Variants in PALM2AKAP2 observed in about 807,000 individuals in gnomAD.
PALM2AKAP2 encodes the protein PALM2-AKAP2 fusion protein.
A neutral mutation model predicts 71.5 loss-of-function variants in PALM2AKAP2; 37 were observed. The ratio of observed to expected loss-of-function variants is 0.52; its 90% CI spans 0.40 to 0.68. The LOEUF (loss-of-function observed/expected upper bound fraction) is 0.68, where lower values mean the gene tolerates loss of function less well. PALM2AKAP2 is among the 30% of genes least tolerant of loss of function. The pLI is 0.00. For synonymous variants in PALM2AKAP2, 468 were observed against 478.8 expected (o/e 0.98, Z 0.29); for missense variants, 1,224 against 1,191.8 (o/e 1.03, Z -0.40).
intron 6 of PALM2AKAP2, among the ~76,000 whole-genome samples, chr9:109,942,465 ATAGCAACCGTGCATCTGTC>A (rs1458544016): frequency 1.3e-5 from 2 of 152,202 alleles, no homozygotes; most frequent in Non-Finnish European, 2.9e-5. Flanking sequence ...CCATTGAGAT[ATAGCAACCGTGCATCTGTC>A]TTCCAAGTGC....
intron 6 of PALM2AKAP2, among the ~76,000 whole-genome samples, chr9:109,974,331 A>G (rs192183959): frequency 1.3e-5 from 2 of 152,360 alleles, no homozygotes; most frequent in East Asian, 3.9e-4. Flanking sequence ...TGGACAAACC[A>G]GTGGCTGTGT....
intron 1 of PALM2AKAP2, among the ~76,000 whole-genome samples, chr9:109,848,248 T>C (rs1759940248): frequency 6.6e-6 from 1 of 152,218 alleles, no homozygotes. Context: ...ATGTGCACAC[T>C]GAAGTCCCAG....
chr9:109,751,183 G>T (rs1323279386), intron 1 of PALM2AKAP2, among the ~76,000 whole-genome samples: 6 of 152,122 alleles, frequency 3.9e-5, no homozygotes, highest in African/African-American at 1.4e-4. Context: ...GGGGAACTGC[G>T]GTTGAGTTGG....
At chr9:109,968,928 C>A (rs1177185642) in intron 6 of PALM2AKAP2, among the ~76,000 whole-genome samples, 1 of 152,132 alleles carries the variant, frequency 6.6e-6, no homozygotes, top group Non-Finnish European at 1.5e-5. Flanking sequence ...CCTCTCCGGG[C>A]TATAAAACTG....
chr9:109,666,127 T>C (rs914653277), intron 1 of PALM2AKAP2, among the ~76,000 whole-genome samples: 2 of 152,332 alleles, frequency 1.3e-5, no homozygotes, highest in African/African-American at 4.8e-5. Context: ...GGAAATCCCC[T>C]GACTCCTTGA....
At chr9:110,048,659 C>T (rs2132491442), upstream of PALM2AKAP2, 2 of 1,482,968 alleles carry the variant, frequency 1.3e-6, no homozygotes, top group South Asian at 2.6e-5. Flanking sequence ...GGGCGGGGCT[C>T]CCCGCCCTCC....
intron 1 of PALM2AKAP2, among the ~76,000 whole-genome samples, chr9:109,680,683 C>G (rs1330413352): frequency 6.6e-6 from 1 of 152,026 alleles, no homozygotes; most frequent in Non-Finnish European, 1.5e-5. Context: ...AAATACTAAG[C>G]CAAACAGCAA....
chr9:109,811,802 G>A (rs1827733681), intron 1 of PALM2AKAP2, among the ~76,000 whole-genome samples: 1 of 152,144 alleles, frequency 6.6e-6, no homozygotes, highest in Non-Finnish European at 1.5e-5. Context: ...CAAACTCCTG[G>A]CCTCAAGCCA....
At chr9:109,775,817 C>T (rs1254879018), upstream of PALM2AKAP2, among the ~76,000 whole-genome samples, 3 of 152,142 alleles carry the variant, frequency 2.0e-5, no homozygotes, top group East Asian at 1.9e-4. Context: ...TGGCTATGAT[C>T]GTTTGTGATT....
At chr9:110,094,095 C>G (rs1433199771) in intron 1 of PALM2AKAP2, among the ~76,000 whole-genome samples, 1 of 152,106 alleles carries the variant, frequency 6.6e-6, no homozygotes, top group Non-Finnish European at 1.5e-5. Context: ...GCACCTGGCC[C>G]CAAATGTCAA....
chr9:109,649,980 G>C (rs769916374), intron 1 of PALM2AKAP2, among the ~76,000 whole-genome samples: 22 of 152,194 alleles, frequency 1.4e-4, no homozygotes, highest in Non-Finnish European at 5.9e-5. Flanking sequence ...TTTATGAAGA[G>C]AGTGGCAGGG....
intron 2 of PALM2AKAP2, among the ~76,000 whole-genome samples, chr9:109,868,555 A>G (rs1268739588): frequency 6.6e-6 from 1 of 152,158 alleles, no homozygotes; most frequent in African/African-American, 2.4e-5. Flanking sequence ...TCAACAAGAT[A>G]AACCTTTATG....
chr9:110,041,690 A>G lies in PALM2AKAP2; in HGVS notation c.582+25651A>G, dbSNP rs113099760. Reference sequence around the variant, plus strand: ...AAAAGCAGGAACCACAAACTAGGCTAAGAACCACAGTAAACACAGTCTGAG... The same window carrying G: ...AAAAGCAGGAACCACAAACTAGGCTGAGAACCACAGTAAACACAGTCTGAG... On this transcript the variant is annotated intron_variant, in intron 7 of 9. Transcript: ENST00000302798. 4.6e-3 allele frequency among the ~76,000 whole-genome samples: 697 copies of G among 152,310 alleles called. 2 individuals carry two copies. The highest frequency in any genetic ancestry group is 0.014 in the Middle Eastern group (4 of 294).
intron 1 of PALM2AKAP2, among the ~76,000 whole-genome samples, chr9:110,123,081 A>AT (rs1270429621): frequency 6.6e-6 from 1 of 152,028 alleles, no homozygotes; most frequent in Non-Finnish European, 1.5e-5. Flanking sequence ...CCTCAACCCT[A>AT]TTTTTGCAGC....
intron 1 of PALM2AKAP2, among the ~76,000 whole-genome samples, chr9:109,839,382 A>T (rs1428449801): frequency 6.6e-6 from 1 of 152,250 alleles, no homozygotes; most frequent in African/African-American, 2.4e-5. Context: ...GATGGGACGT[A>T]TCTCAAAATA....
chr9:109,837,326 G>T (rs538690870), intron 1 of PALM2AKAP2, among the ~76,000 whole-genome samples: 7 of 152,154 alleles, frequency 4.6e-5, no homozygotes, highest in Admixed American at 1.3e-4. Flanking sequence ...AGAAGCAAAT[G>T]ATGAGAGATT....
chr9:109,792,103 T>C (rs1373560225), intron 1 of PALM2AKAP2, among the ~76,000 whole-genome samples: 2 of 152,170 alleles, frequency 1.3e-5, no homozygotes, highest in Non-Finnish European at 2.9e-5. Context: ...GATACACTTA[T>C]GTATGTTGGG....
intron 1 of PALM2AKAP2, among the ~76,000 whole-genome samples, chr9:109,753,310 G>A (rs1237358448): frequency 6.6e-6 from 1 of 152,090 alleles, no homozygotes; most frequent in African/African-American, 2.4e-5. Context: ...GAGTGGCTGG[G>A]GTACTTAGTG....
chr9:109,807,689 A>G (rs937960344), intron 1 of PALM2AKAP2, among the ~76,000 whole-genome samples: 11 of 152,208 alleles, frequency 7.2e-5, no homozygotes, highest in Non-Finnish European at 1.2e-4. Flanking sequence ...GAGAAAATCA[A>G]TATGAACCAA....
Sources: gnomAD v4.1 joint callset for allele counts (sites outside exome capture counted in the v4.1 genomes callset) on GRCh38, gnomAD v4.1.1 for gene constraint, MANE v1.5 for transcripts, NCBI Gene and HGNC (gene_info 2026-07-23, HGNC 2026-07-21) for gene names.